The following GCFC2 variants were observed in gnomAD, a reference collection of about 807,000 sequenced individuals.
GCFC2 encodes intron Large complex component GCFC2.
Under a neutral mutation model 99.4 loss-of-function variants are expected in GCFC2, and 102 were observed. The observed-to-expected ratio is 1.03, with a 90% CI of 0.87 to 1.21. GCFC2 has a LOEUF of 1.21. Ranked by LOEUF, GCFC2 falls within the 50% of genes most tolerant of loss-of-function variation. The pLI is 0.00. For synonymous variants in GCFC2, 338 were observed against 316.8 expected (o/e 1.07, Z -0.71); for missense variants, 973 against 920.9 (o/e 1.06, Z -0.73).
chr2:75,710,789 C>T lies in GCFC2; in HGVS notation c.67G>A (p.Glu23Lys), dbSNP rs866220300. ...GCCCCAGGCTCAGCAGGCGACTCCT[C>T]GGCGCCATCGCTGTCGCTGGAATCA... ...AADSSDSDGA[E>K]ESPAEPGAPR... The change falls in exon 1 of 17, where the codon GAG becomes AAG. Residue 23 changes from glutamate (E) to lysine (K), a missense_variant. By Grantham distance (56) the Glu-to-Lys change is moderately conservative (BLOSUM62 1). Transcript: ENST00000321027. 2 of 1,576,308 alleles carry T rather than the reference C, an allele frequency of 1.3e-6. No individual in the cohort carries two copies. Among genetic ancestry groups the T allele is most frequent in the East Asian group, 2.4e-5 (1 of 41,830 alleles).
chr2:75,683,771 CA>C (rs749580096), intron 11 of GCFC2, among the ~76,000 whole-genome samples: 7,892 of 60,510 alleles, frequency 0.13, 113 homozygotes, highest in Non-Finnish European at 0.16. Context: ...AAATGGAAAG[CA>C]AAAAAAAAAA....
At chr2:75,711,488 A>C (rs369610136), upstream of GCFC2, among the ~76,000 whole-genome samples, 6 of 152,338 alleles carry the variant, frequency 3.9e-5, no homozygotes, top group East Asian at 9.6e-4. Flanking sequence ...GTCTGACGCA[A>C]ATTTGTTCTA....
At position 75,694,438 on chromosome 2, in the gene GCFC2, A is replaced by G. The variant is rs758875629; in HGVS notation, c.834-11T>C. 1 of 1,167,856 alleles carries G rather than the reference A, an allele frequency of 8.6e-7. No individual in the cohort carries two copies. The highest frequency in any genetic ancestry group is 2.7e-5 in the East Asian group (1 of 37,396). 72.3% of individuals were successfully genotyped at this position (1,167,856 alleles called of 1,614,324 possible). ...TGTAGTAATGTTAATCTAAATAAATAAAATAAAAATTAGTTTATTTTTCAT... is the reference window on the plus strand; with the variant it reads ...TGTAGTAATGTTAATCTAAATAAATGAAATAAAAATTAGTTTATTTTTCAT... On this transcript the variant is annotated splice_polypyrimidine_tract_variant and intron_variant, in intron 5 of 16. Coordinates refer to ENST00000321027, the MANE Select transcript of GCFC2 (RefSeq NM_003203.5).
chr2:75,677,561 A>G (rs1343815817), intron 12 of GCFC2, among the ~76,000 whole-genome samples: 2 of 152,234 alleles, frequency 1.3e-5, no homozygotes, highest in Admixed American at 6.5e-5. Context: ...ACAAACCCTC[A>G]CAACAAAAAA....
rs764901302 is a variant in GCFC2, at chr2:75,663,317, T to A, written c.*1349A>T. On this transcript the variant is annotated 3_prime_UTR_variant, in exon 17 of 17. Coordinates refer to ENST00000321027, the MANE Select transcript of GCFC2 (RefSeq NM_003203.5). Reference sequence around the variant, plus strand: ...TGCAAAATATATTTACAGTTTCCCTTAAGTTATTTAATAAGTAGACTTAGA... The same window carrying A: ...TGCAAAATATATTTACAGTTTCCCTAAAGTTATTTAATAAGTAGACTTAGA... The A allele has an allele frequency of 6.6e-6, 1 of 152,218 alleles. No homozygotes were observed. The highest frequency in any genetic ancestry group is 2.4e-5 in the African/African-American group (1 of 41,458). The allele number at this position is 152,218 out of a possible 1,614,324, so 9.4% of individuals were successfully genotyped here. A position where few individuals can be genotyped will look rare whatever the true frequency, so the allele number is the denominator to read the frequency against.
At chr2:75,709,285 G>T (rs1681009383) in intron 1 of GCFC2, among the ~76,000 whole-genome samples, 1 of 152,148 alleles carries the variant, frequency 6.6e-6, no homozygotes, top group Admixed American at 6.5e-5. Flanking sequence ...ATTCTAGAAG[G>T]CAAGAGAAAA....
Position 75,706,856 on chromosome 2 carries a change from T to G in GCFC2, c.266-205A>C, listed in dbSNP as rs184824363. The stretch of plus-strand genomic sequence containing the variant: ...GTGTACAAAGACCCTATTTGTATTA[T>G]CTAGGCATCTAATAATATATTTCCA... On this transcript the variant is annotated intron_variant, in intron 1 of 16. Coordinates refer to ENST00000321027, the MANE Select transcript of GCFC2 (RefSeq NM_003203.5). 3.3e-5 allele frequency among the ~76,000 whole-genome samples: 5 copies of G among 152,182 alleles called. No homozygotes were observed. The East Asian group carries it at 9.7e-4, about 29-fold the overall frequency.
At chr2:75,673,889 A>G in intron 12 of GCFC2, among the ~76,000 whole-genome samples, 1 of 152,236 alleles carries the variant, frequency 6.6e-6, no homozygotes, top group East Asian at 1.9e-4. Flanking sequence ...AGTACAGTTC[A>G]TGTCCATACG....
intron 10 of GCFC2, 112 bp from the exon 11 acceptor site, chr2:75,688,089 A>G: frequency 1.5e-6 from 1 of 658,026 alleles, no homozygotes; most frequent in Non-Finnish European, 2.5e-6. Flanking sequence ...ATCAGAAGAG[A>G]TTAATTCCCT....
At chr2:75,680,897 G>C (rs974285908) in intron 11 of GCFC2, among the ~76,000 whole-genome samples, 1 of 152,132 alleles carries the variant, frequency 6.6e-6, no homozygotes, top group African/African-American at 2.4e-5. Context: ...CATCTGTGCC[G>C]ATATGCTCTA....
chr2:75,673,254 G>T (rs2422232), intron 13 of GCFC2, among the ~76,000 whole-genome samples, 190 bp downstream of exon 13: 29,191 of 151,786 alleles, frequency 0.19, 3,553 homozygotes, highest in South Asian at 0.27. Flanking sequence ...CTTGCAGTGA[G>T]CCGAGATCGC....
Position 75,696,299 on chromosome 2 carries a change from A to C in GCFC2, c.734T>G (p.Leu245Arg). The C allele has an allele frequency of 7.4e-7, 1 of 1,349,000 alleles. No individual in the cohort carries two copies. 83.6% of individuals were successfully genotyped at this position (1,349,000 alleles called of 1,614,324 possible). A position where few individuals can be genotyped will look rare whatever the true frequency, so the allele number is the denominator to read the frequency against. ...TTTTGAAGATCCATTGCCACAGGAA[A>C]GATCTATGTCTCTTTCCTAAAAAAG... ...VKIIEERDID[L>R]SCGNGSSKVK... The change falls in exon 5 of 17, where the codon CTT (leucine) becomes CGT (arginine). Residue 245 changes from leucine (L) to arginine (R), a missense_variant. Leu to Arg is a moderately radical substitution (Grantham distance 102). Coordinates refer to ENST00000321027, the MANE Select transcript of GCFC2 (RefSeq NM_003203.5).
intron 12 of GCFC2, among the ~76,000 whole-genome samples, chr2:75,675,407 T>A (rs1679289263): frequency 6.6e-6 from 1 of 152,164 alleles, no homozygotes; most frequent in Non-Finnish European, 1.5e-5. Context: ...AAAGTTTTCT[T>A]TCAAAGTATT....
chr2:75,680,748 G>C (rs1679538422), intron 11 of GCFC2, among the ~76,000 whole-genome samples: 1 of 151,974 alleles, frequency 6.6e-6, no homozygotes, highest in South Asian at 2.1e-4. Context: ...TTTCCTTCTA[G>C]ATGATTATTT....
In GCFC2 at chr2:75,710,572, C is replaced by T; in HGVS notation, c.265+19G>A. 6.7e-7 allele frequency: 1 copy of T among 1,485,158 alleles called. No individual in the cohort carries two copies. The highest frequency in any genetic ancestry group is 8.9e-7 in the Non-Finnish European group (1 of 1,124,812). 92.0% of individuals were successfully genotyped at this position (1,485,158 alleles called of 1,614,324 possible). ...CCCTGTGCCGTCACCTCCCCGCTTCCCCGCGTCTCCCTGGACACCTGAGCC... is the reference window on the plus strand; with the variant it reads ...CCCTGTGCCGTCACCTCCCCGCTTCTCCGCGTCTCCCTGGACACCTGAGCC... On this transcript the variant is annotated intron_variant, in intron 1 of 16. Transcript: ENST00000321027.
intron 4 of GCFC2, 142 bp downstream of exon 4, chr2:75,701,048 A>G: frequency 1.7e-6 from 1 of 597,368 alleles, no homozygotes. Flanking sequence ...GGAAGAAGCA[A>G]GGTGCTGCCA....
At chr2:75,712,607 C>T (rs937873007), upstream of GCFC2, among the ~76,000 whole-genome samples, 1 of 152,104 alleles carries the variant, frequency 6.6e-6, no homozygotes, top group Non-Finnish European at 1.5e-5. Context: ...AAGCTTTGTT[C>T]TTTCGCTCTT....
rs754753811 is a variant in GCFC2, at chr2:75,710,823, C to T, written c.33G>A (p.Gln11=). Residue 11 remains glutamine, a synonymous_variant, in exon 1 of 17, where the codon CAG becomes CAA. Coordinates refer to ENST00000321027, the MANE Select transcript of GCFC2 (RefSeq NM_003203.5). MAHRPKRTFR[Q]RAADSSDSDG... Reference sequence around the variant, plus strand: ...CGCTGTCGCTGGAATCAGCCGCGCGCTGCCGAAAAGTCCTTTTCGGCCTGT... The same window carrying T: ...CGCTGTCGCTGGAATCAGCCGCGCGTTGCCGAAAAGTCCTTTTCGGCCTGT... 1.3e-6 allele frequency: 2 copies of T among 1,578,426 alleles called. No homozygotes were observed. Among genetic ancestry groups the T allele is most frequent in the Admixed American group, 1.7e-5 (1 of 58,188 alleles).
intron 2 of GCFC2, among the ~76,000 whole-genome samples, chr2:75,704,973 G>A (rs1242970512): frequency 1.3e-5 from 2 of 152,130 alleles, no homozygotes; most frequent in Non-Finnish European, 2.9e-5. Context: ...AGTCTAATCC[G>A]CCATCTTTTA....
Sources: gnomAD v4.1 joint callset for allele counts (sites outside exome capture counted in the v4.1 genomes callset) on GRCh38, gnomAD v4.1.1 for gene constraint, MANE v1.5 for transcripts, NCBI Gene and HGNC (gene_info 2026-07-23, HGNC 2026-07-21) for gene names.